Variants in FGGY observed in about 807,000 individuals in gnomAD.
FGGY encodes FGGY carbohydrate kinase domain-containing protein.
FGGY carries 72 observed loss-of-function variants against 71.3 expected under a neutral mutation model. The observed-to-expected ratio is 1.01, with a 90% CI of 0.84 to 1.23. The LOEUF is 1.23. Among genes scored for constraint, FGGY ranks in the 50% most tolerant of loss-of-function variants. The pLI, the probability that FGGY is intolerant of heterozygous loss-of-function variation, is 0.00. For synonymous variants in FGGY, 251 were observed against 250.3 expected (o/e 1.00, Z -0.02); for missense variants, 668 against 682.3 (o/e 0.98, Z 0.23).
intron 10 of FGGY, among the ~76,000 whole-genome samples, chr1:59,629,793 T>G (rs1008462328): frequency 6.6e-6 from 1 of 152,236 alleles, no homozygotes; most frequent in African/African-American, 2.4e-5. Context: ...CCCATTTTCT[T>G]CATTATAACA....
chr1:59,491,620 G>T (rs1187246742), intron 6 of FGGY, among the ~76,000 whole-genome samples: 1 of 150,612 alleles, frequency 6.6e-6, no homozygotes, highest in Non-Finnish European at 1.5e-5. Context: ...GAATGTTTAG[G>T]TTTCTCTATA....
chr1:59,354,260 G>T (rs2053857977), intron 4 of FGGY, among the ~76,000 whole-genome samples: 2 of 152,098 alleles, frequency 1.3e-5, no homozygotes, highest in South Asian at 4.1e-4. Context: ...GTATTTTTTT[G>T]TAGAGATGAG....
chr1:59,585,289 C>T (rs991798912), intron 8 of FGGY, among the ~76,000 whole-genome samples: 4 of 152,138 alleles, frequency 2.6e-5, no homozygotes, highest in African/African-American at 9.7e-5. Flanking sequence ...GCTACAGGAA[C>T]CAAAATAGCA....
chr1:59,594,404 CG>C (rs2096494595), intron 8 of FGGY, among the ~76,000 whole-genome samples: 2 of 152,122 alleles, frequency 1.3e-5, no homozygotes, highest in South Asian at 4.1e-4. Flanking sequence ...CCCAAATATC[CG>C]GTAAGGTGAA....
At chr1:59,442,609 T>A (rs764075654) in intron 5 of FGGY, among the ~76,000 whole-genome samples, 4 of 152,204 alleles carry the variant, frequency 2.6e-5, no homozygotes, top group Admixed American at 6.5e-5. Context: ...TCTGACTCTT[T>A]CTGCTTTGTG....
intron 14 of FGGY, among the ~76,000 whole-genome samples, chr1:59,694,287 T>TTAAATAAATAAA (rs10590302): frequency 1.3e-3 from 185 of 143,816 alleles, no homozygotes; most frequent in African/African-American, 1.6e-3. Flanking sequence ...AGACTCCGTC[T>TTAAATAAATAAA]TAAATAAATA....
chr1:59,578,742 T>C (rs368618752), intron 8 of FGGY, among the ~76,000 whole-genome samples: 4 of 152,170 alleles, frequency 2.6e-5, no homozygotes, highest in African/African-American at 9.6e-5. Flanking sequence ...TGTTTTTTCC[T>C]GCACACCCAT....
chr1:59,614,266 T>A (rs767088673), intron 9 of FGGY, among the ~76,000 whole-genome samples: 1 of 152,096 alleles, frequency 6.6e-6, no homozygotes, highest in South Asian at 2.1e-4. Context: ...ATTGGCAAAC[T>A]GAATCCAGCA....
chr1:59,620,986 T>G (rs77026830), intron 9 of FGGY, among the ~76,000 whole-genome samples: 3 of 152,084 alleles, frequency 2.0e-5, no homozygotes, highest in African/African-American at 7.2e-5. Flanking sequence ...TTCCTTACAA[T>G]TTTGGAGGCT....
intron 14 of FGGY, chr1:59,698,759 T>C: frequency 1.0e-6 from 1 of 985,448 alleles, no homozygotes; most frequent in Non-Finnish European, 1.2e-6. Flanking sequence ...ATCTTTCTGC[T>C]TAAAGAGAAA....
At chr1:59,447,893 C>G (rs2071679859) in intron 5 of FGGY, among the ~76,000 whole-genome samples, 1 of 152,132 alleles carries the variant, frequency 6.6e-6, no homozygotes, top group South Asian at 2.1e-4. Context: ...TACTTTTCTT[C>G]CGTAGTGTGG....
Position 59,607,971 on chromosome 1 carries a change from TG to T in FGGY, c.1011+62del, listed in dbSNP as rs550246397. On this transcript the variant is annotated intron_variant, in intron 9 of 15. Transcript: ENST00000303721. ...TTTTATGTCATTGATTAGTCCATTT[TG>T]TCACATGACCCATATACCCAATATC... 4.4e-4 allele frequency: 620 copies of T among 1,404,076 alleles called. 7 individuals are homozygous for T. The African/African-American group carries it at 7.8e-3, about 18-fold the overall frequency. 87.0% of individuals were successfully genotyped at this position (1,404,076 alleles called of 1,614,324 possible). A position where few individuals can be genotyped will look rare whatever the true frequency, so the allele number is the denominator to read the frequency against.
intron 2 of FGGY, among the ~76,000 whole-genome samples, chr1:59,324,263 C>G (rs1045468057): frequency 2.9e-5 from 4 of 137,044 alleles, no homozygotes; most frequent in African/African-American, 1.1e-4. Context: ...CTTATAATAA[C>G]TACTTTTTTT....
At chr1:59,307,889 A>G (rs1352085536) in intron 1 of FGGY, among the ~76,000 whole-genome samples, 1 of 152,220 alleles carries the variant, frequency 6.6e-6, no homozygotes, top group Non-Finnish European at 1.5e-5. Context: ...AGAACAAACT[A>G]TAGATAGTTT....
intron 5 of FGGY, among the ~76,000 whole-genome samples, chr1:59,417,080 G>A (rs575721991): frequency 6.6e-5 from 10 of 151,926 alleles, no homozygotes; most frequent in Admixed American, 2.6e-4. Context: ...CATTTTCTTC[G>A]CCCTCAAAAG....
chr1:59,565,748 G>A (rs1002699691), intron 8 of FGGY, among the ~76,000 whole-genome samples: 1 of 152,168 alleles, frequency 6.6e-6, no homozygotes, highest in African/African-American at 2.4e-5. Context: ...CTTTCCCAGA[G>A]CCTGATGAGA....
At chr1:59,480,145 C>T (rs1293330991) in intron 6 of FGGY, among the ~76,000 whole-genome samples, 1 of 152,174 alleles carries the variant, frequency 6.6e-6, no homozygotes, top group African/African-American at 2.4e-5. Context: ...ACACTGCAGC[C>T]AGCATGAACT....
intron 10 of FGGY, among the ~76,000 whole-genome samples, chr1:59,632,732 A>C (rs1232179130): frequency 1.3e-5 from 2 of 151,976 alleles, no homozygotes; most frequent in African/African-American, 2.4e-5. Flanking sequence ...ACTTCTAAAA[A>C]TTTTTCTCTC....
chr1:59,380,667 A>T (rs2059307482), intron 5 of FGGY, among the ~76,000 whole-genome samples: 1 of 151,218 alleles, frequency 6.6e-6, no homozygotes, highest in Non-Finnish European at 1.5e-5. Flanking sequence ...AATTTGTTTG[A>T]GTTCTTTGTA....
Sources: allele counts gnomAD v4.1 joint callset (sites outside exome capture counted in the v4.1 genomes callset), GRCh38; gene constraint gnomAD v4.1.1; transcripts MANE v1.5; gene names NCBI Gene and HGNC (gene_info 2026-07-23, HGNC 2026-07-21).